CCL3L3: variants seen among roughly 807,000 people sequenced by gnomAD.
CCL3L3 encodes C-C motif chemokine 3-like 1.
CCL3L3 carries 6 observed loss-of-function variants against 9.0 expected under a neutral mutation model. The ratio of observed to expected loss-of-function variants is 0.67; its 90% CI spans 0.37 to 1.32. CCL3L3 has a LOEUF of 1.32. CCL3L3 is among the 40% of genes most tolerant of loss of function. CCL3L3 has a pLI of 0.02. For synonymous variants in CCL3L3, 38 were observed against 45.7 expected (o/e 0.83, Z 0.68); for missense variants, 93 against 117.0 (o/e 0.79, Z 0.95).
chr17:36,195,563 G>T, intron 2 of CCL3L3, 187 bp from the exon 3 acceptor site: 1 of 1,047,568 alleles, frequency 9.5e-7, no homozygotes, highest in Non-Finnish European at 1.5e-6. Flanking sequence ...CCCTCAGAGT[G>T]TCCTGCTGCC....
rs1429704995 is a variant in CCL3L3, at chr17:36,195,777, A to T, written c.191+21T>A. On this transcript the variant is annotated intron_variant, in intron 2 of 2. Coordinates refer to ENST00000619989, the MANE Select transcript of CCL3L3 (RefSeq NM_001001437.4). The stretch of plus-strand genomic sequence containing the variant: ...GACACTCCCTACCTCCCTAGAGGTG[A>T]GCAGGAAGACTGGCACTTACATGAC... 2.0e-5 allele frequency: 31 copies of T among 1,579,786 alleles called. 2 individuals are homozygous for T. Among genetic ancestry groups the T allele is most frequent in the Non-Finnish European group, 2.7e-5 (31 of 1,154,984 alleles).
intron 2 of CCL3L3, 96 bp downstream of exon 2, chr17:36,195,702 A>C: frequency 6.9e-7 from 1 of 1,454,680 alleles, no homozygotes; most frequent in Non-Finnish European, 9.6e-7. Flanking sequence ...AGGCTCCTGA[A>C]GGCTGGGCCT....
intron 1 of CCL3L3, 93 bp from the exon 2 acceptor site, chr17:36,196,005 G>T (rs2068617318): frequency 2.3e-6 from 3 of 1,285,328 alleles, no homozygotes; most frequent in Non-Finnish European, 3.2e-6. Context: ...GGGCAGGCTT[G>T]CTCAGACCAA....
Position 36,195,161 on chromosome 17 carries a change from T to C in CCL3L3, c.*125A>G. ...TAAGAAGAGTCCCACAGTGTGGCTG[T>C]TTGGCAATAACCAGTCCATAGAAGA... On this transcript the variant is annotated 3_prime_UTR_variant, in exon 3 of 3. Coordinates refer to ENST00000619989, the MANE Select transcript of CCL3L3 (RefSeq NM_001001437.4). 9.0e-7 allele frequency: 1 copy of C among 1,114,080 alleles called. No homozygotes were observed. The highest frequency in any genetic ancestry group is 1.3e-5 in the South Asian group (1 of 79,922). The allele number at this position is 1,114,080 out of a possible 1,614,324, so 69.0% of individuals were successfully genotyped here. A position where few individuals can be genotyped will look rare whatever the true frequency, so the allele number is the denominator to read the frequency against.
intron 1 of CCL3L3, 75 bp from the exon 2 acceptor site, chr17:36,195,987 G>A (rs2068617032): frequency 7.3e-7 from 1 of 1,361,940 alleles, no homozygotes; most frequent in Admixed American, 2.1e-5. Flanking sequence ...TCCCTGAGTG[G>A]TTGAGGAGGG....
Position 36,194,944 on chromosome 17 carries a change from T to C in CCL3L3, c.*342A>G, listed in dbSNP as rs2068604373. ...CTGAACAAAAGCATCTGATACACAT[T>C]TGTCAGTCTGGTGGCTTTGGTGCCA... On this transcript the variant is annotated 3_prime_UTR_variant, in exon 3 of 3. Transcript: ENST00000619989. 3.3e-6 allele frequency: 1 copy of C among 306,648 alleles called. No individual in the cohort carries two copies. The highest frequency in any genetic ancestry group is 5.1e-5 in the South Asian group (1 of 19,682). The allele number at this position is 306,648 out of a possible 1,614,324, so 19.0% of individuals were successfully genotyped here.
chr17:36,195,515 G>A (rs1354969162), intron 2 of CCL3L3, 139 bp from the exon 3 acceptor site: 31 of 1,240,454 alleles, frequency 2.5e-5, no homozygotes, highest in African/African-American at 6.8e-5. Flanking sequence ...GCCTATCTCC[G>A]TCTAGAGAGC....
chr17:36,195,241 C>T lies in CCL3L3; in HGVS notation c.*45G>A. The T allele has an allele frequency of 1.9e-6, 3 of 1,560,392 alleles. No individual in the cohort carries two copies. Among genetic ancestry groups the T allele is most frequent in the Non-Finnish European group, 2.6e-6 (3 of 1,137,338 alleles). ...CAAGGCTCAGGCTCCTGCTCCTCCC[C>T]ACTGGGCCCACTGAGGTCGCTGGGC... On this transcript the variant is annotated 3_prime_UTR_variant, in exon 3 of 3. Coordinates refer to ENST00000619989, the MANE Select transcript of CCL3L3 (RefSeq NM_001001437.4).
chr17:36,195,725 CTTCTGGCCTG>C, intron 2 of CCL3L3, 63 bp downstream of exon 2: 1 of 1,530,096 alleles, frequency 6.5e-7, no homozygotes, highest in South Asian at 1.1e-5. Context: ...CCAGGATGGC[CTTCTGGCCTG>C]TTTCTGCCCC....
intron 1 of CCL3L3, 74 bp downstream of exon 1, chr17:36,196,524 G>T (rs554210221): frequency 6.7e-7 from 1 of 1,500,654 alleles, no homozygotes; most frequent in African/African-American, 1.3e-5. Flanking sequence ...GGGCTCTCAG[G>T]CCACAAAAAA....
At position 36,195,036 on chromosome 17, in the gene CCL3L3, G is replaced by A. The variant is rs1314509807; in HGVS notation, c.*250C>T. ...CAGACACACTGTGAGGGAAGGTGGA[G>A]GGGACAGGGGGAACTCTCAGAGCAA... is the stretch of plus-strand genomic sequence containing the variant. On this transcript the variant is annotated 3_prime_UTR_variant, in exon 3 of 3. Transcript: ENST00000619989. The A allele has an allele frequency of 1.7e-4, 79 of 461,860 alleles. No individual in the cohort carries two copies. Among genetic ancestry groups the A allele is most frequent in the Admixed American group, 1.1e-3 (31 of 27,784 alleles). 28.6% of individuals were successfully genotyped at this position (461,860 alleles called of 1,614,324 possible).
In CCL3L3 at chr17:36,195,689, G is replaced by A. The variant is rs1357624281; in HGVS notation, c.191+109C>T. 1.2e-4 allele frequency: 165 copies of A among 1,398,818 alleles called. 9 individuals are homozygous for A. The highest frequency in any genetic ancestry group is 4.9e-4 in the Middle Eastern group (2 of 4,076). The allele number at this position is 1,398,818 out of a possible 1,614,324, so 86.7% of individuals were successfully genotyped here. A position where few individuals can be genotyped will look rare whatever the true frequency, so the allele number is the denominator to read the frequency against. On this transcript the variant is annotated intron_variant, in intron 2 of 2. Coordinates refer to ENST00000619989, the MANE Select transcript of CCL3L3 (RefSeq NM_001001437.4). ...TCAGTGCCCTGCGTCCTGTATCCCC[G>A]ATAGGCTCCTGAAGGCTGGGCCTTT...
intron 1 of CCL3L3, 147 bp downstream of exon 1, chr17:36,196,451 A>T (rs1421587380): frequency 8.8e-6 from 9 of 1,024,250 alleles, no homozygotes; most frequent in South Asian, 4.1e-5. Flanking sequence ...TAAAAATAAA[A>T]GTTGTGAAGA....
intron 1 of CCL3L3, 129 bp from the exon 2 acceptor site, chr17:36,196,041 T>G: frequency 9.1e-7 from 1 of 1,102,026 alleles, no homozygotes; most frequent in Non-Finnish European, 1.4e-6. Flanking sequence ...TTGGGGGGTT[T>G]TGCAGAGAAA....
chr17:36,195,535 T>A lies in CCL3L3; in HGVS notation c.192-159A>T. On this transcript the variant is annotated intron_variant, in intron 2 of 2. Transcript: ENST00000619989. ...TCTCCGTCTAGAGAGCTTCTCTCAG[T>A]GACTCCAGGCAAGGGGGCCCTCAGA... 4 of 1,152,560 alleles carry A rather than the reference T, an allele frequency of 3.5e-6. 1 individual carries two copies. The highest frequency in any genetic ancestry group is 3.9e-6 in the Non-Finnish European group (3 of 762,498). The allele number at this position is 1,152,560 out of a possible 1,614,324, so 71.4% of individuals were successfully genotyped here.
chr17:36,195,263 G>T lies in CCL3L3; in HGVS notation c.*23C>A. 1 of 1,580,634 alleles carries T rather than the reference G, an allele frequency of 6.3e-7. No individual in the cohort carries two copies. Among genetic ancestry groups the T allele is most frequent in the Non-Finnish European group, 8.6e-7 (1 of 1,156,220 alleles). ...CCCCACTGGGCCCACTGAGGTCGCT[G>T]GGCCTCGAAGCTTCTGGACCCCTCA... is the stretch of plus-strand genomic sequence containing the variant. On this transcript the variant is annotated 3_prime_UTR_variant, in exon 3 of 3. Transcript: ENST00000619989.
At position 36,195,462 on chromosome 17, in the gene CCL3L3, G is replaced by C. The variant is rs1156678616; in HGVS notation, c.192-86C>G. The C allele has an allele frequency of 1.6e-4, 247 of 1,500,830 alleles. 3 individuals carry two copies. In the East Asian group the frequency reaches 5.2e-3, roughly 32 times the overall value. The allele number at this position is 1,500,830 out of a possible 1,614,324, so 93.0% of individuals were successfully genotyped here. ...CCATGGCCCTGACATCCTGCTCTCTGTCCTGGGCAGCTCAAGGCCTGCTCC... is the reference window on the plus strand; with the variant it reads ...CCATGGCCCTGACATCCTGCTCTCTCTCCTGGGCAGCTCAAGGCCTGCTCC... On this transcript the variant is annotated intron_variant, in intron 2 of 2. Transcript: ENST00000619989.
Position 36,195,266 on chromosome 17 carries a change from C to T in CCL3L3, c.*20G>A, listed in dbSNP as rs2068608016. The T allele has an allele frequency of 4.4e-6, 7 of 1,581,290 alleles. 1 individual carries two copies. The highest frequency in any genetic ancestry group is 4.3e-6 in the Non-Finnish European group (5 of 1,156,770). On this transcript the variant is annotated 3_prime_UTR_variant, in exon 3 of 3. Coordinates refer to ENST00000619989, the MANE Select transcript of CCL3L3 (RefSeq NM_001001437.4). ...CACTGGGCCCACTGAGGTCGCTGGG[C>T]CTCGAAGCTTCTGGACCCCTCAGGC...
Position 36,196,641 on chromosome 17 carries a change from G to C in CCL3L3, c.33C>G (p.Leu11=), listed in dbSNP as rs1317902592. Residue 11 remains leucine, a synonymous_variant, in exon 1 of 3, where the codon CTC becomes CTG. Transcript: ENST00000619989. The part of the protein sequence containing the change: MQVSTAALAV[L]LCTMALCNQV... ...GGTTGCAGAGAGCCATGGTGCAGAG[G>C]AGGACGGCAAGGGCAGCAGTGGAGA... 6.3e-7 allele frequency: 1 copy of C among 1,581,134 alleles called. No homozygotes were observed.
Sources: gnomAD v4.1 joint callset for allele counts on GRCh38, gnomAD v4.1.1 for gene constraint, MANE v1.5 for transcripts, NCBI Gene and HGNC (gene_info 2026-07-23, HGNC 2026-07-21) for gene names.